Variants in CNTNAP2 observed in about 807,000 individuals in gnomAD.
CNTNAP2 encodes contactin associated protein 2.
In CNTNAP2, 98 loss-of-function variants were observed where a neutral mutation model predicts 155.2. The observed-to-expected ratio is 0.63, with a 90% CI of 0.54 to 0.75. CNTNAP2 has a LOEUF of 0.75. Ranked by LOEUF, CNTNAP2 falls within the 30% of genes least tolerant of loss-of-function variation. The pLI is 0.00. For missense variants in CNTNAP2, 1,727 were observed against 1,688.1 expected, an observed-to-expected ratio of 1.02 and a Z score of -0.40; for synonymous variants, 651 against 631.2, an observed-to-expected ratio of 1.03 and a Z score of -0.47.
chr7:146,988,003 T>G (rs1798144273), intron 3 of CNTNAP2, among the ~76,000 whole-genome samples: 1 of 152,152 alleles, frequency 6.6e-6, no homozygotes, highest in South Asian at 2.1e-4. Flanking sequence ...CCCGTAACTC[T>G]ATTTCCAAGG....
At chr7:147,320,410 C>T (rs192579548) in intron 9 of CNTNAP2, among the ~76,000 whole-genome samples, 2 of 152,194 alleles carry the variant, frequency 1.3e-5, no homozygotes, top group Admixed American at 1.3e-4. Flanking sequence ...ATCATGAAAA[C>T]AGATTGTAGG....
intron 19 of CNTNAP2, among the ~76,000 whole-genome samples, chr7:148,221,276 A>T (rs1396698295): frequency 6.6e-6 from 1 of 152,194 alleles, no homozygotes; most frequent in Non-Finnish European, 1.5e-5. Flanking sequence ...GCACAACTCT[A>T]TGAAGTAGAT....
At chr7:146,497,708 A>T (rs28497650) in intron 1 of CNTNAP2, among the ~76,000 whole-genome samples, 1 of 151,508 alleles carries the variant, frequency 6.6e-6, no homozygotes, top group Non-Finnish European at 1.5e-5. Context: ...TGATTTCTCA[A>T]GTTCTCCCTA....
At chr7:148,020,516 CATCT>C (rs1802260567) in intron 15 of CNTNAP2, among the ~76,000 whole-genome samples, 1 of 152,146 alleles carries the variant, frequency 6.6e-6, no homozygotes, top group Non-Finnish European at 1.5e-5. Flanking sequence ...GCTGATAAAT[CATCT>C]TTGAGAATTC....
intron 18 of CNTNAP2, among the ~76,000 whole-genome samples, chr7:148,202,783 G>A (rs994773636): frequency 3.3e-5 from 5 of 152,208 alleles, no homozygotes; most frequent in African/African-American, 9.7e-5. Context: ...CACATCGTGT[G>A]TGCATGAAGA....
At chr7:146,672,327 G>T (rs1800324784) in intron 1 of CNTNAP2, among the ~76,000 whole-genome samples, 1 of 152,126 alleles carries the variant, frequency 6.6e-6, no homozygotes, top group Admixed American at 6.5e-5. Context: ...TCCAGGAGTT[G>T]TTTCCTTGTC....
intron 2 of CNTNAP2, among the ~76,000 whole-genome samples, chr7:146,795,071 C>T (rs934919991): frequency 3.9e-5 from 6 of 152,102 alleles, no homozygotes; most frequent in African/African-American, 1.4e-4. Context: ...AAAGAAAAAA[C>T]GCTAATCACA....
chr7:147,097,228 T>C (rs1448867428), intron 4 of CNTNAP2, among the ~76,000 whole-genome samples: 3 of 152,174 alleles, frequency 2.0e-5, no homozygotes, highest in Non-Finnish European at 2.9e-5. Flanking sequence ...TCCTGACAAA[T>C]TTGTAGGGGT....
At chr7:146,138,642 CTA>C (rs1797832296) in intron 1 of CNTNAP2, among the ~76,000 whole-genome samples, 1 of 152,052 alleles carries the variant, frequency 6.6e-6, no homozygotes, top group African/African-American at 2.4e-5. Context: ...GTTTGATCCT[CTA>C]TATCTCTAAG....
At chr7:146,929,596 T>G (rs1796698725) in intron 3 of CNTNAP2, among the ~76,000 whole-genome samples, 1 of 152,254 alleles carries the variant, frequency 6.6e-6, no homozygotes, top group South Asian at 2.1e-4. Flanking sequence ...GGAGAATGAC[T>G]TTGACGAGTT....
chr7:146,753,063 C>A (rs1801933467), intron 1 of CNTNAP2, among the ~76,000 whole-genome samples: 2 of 152,088 alleles, frequency 1.3e-5, no homozygotes, highest in African/African-American at 4.8e-5. Context: ...GATTTTCTGA[C>A]CAAAGCTTCA....
At chr7:148,084,800 G>C (rs981926771) in intron 15 of CNTNAP2, among the ~76,000 whole-genome samples, 3 of 152,200 alleles carry the variant, frequency 2.0e-5, no homozygotes, top group African/African-American at 7.2e-5. Context: ...TCCTAGAGGA[G>C]TGCATAGGTA....
intron 17 of CNTNAP2, among the ~76,000 whole-genome samples, chr7:148,164,878 C>T (rs1454887803): frequency 1.3e-5 from 2 of 151,746 alleles, no homozygotes; most frequent in Non-Finnish European, 2.9e-5. Context: ...AAACTCCTGA[C>T]CTCAGGTGAT....
intron 11 of CNTNAP2, among the ~76,000 whole-genome samples, chr7:147,509,954 C>T (rs1798985630): frequency 6.6e-6 from 1 of 152,020 alleles, no homozygotes; most frequent in Non-Finnish European, 1.5e-5. Flanking sequence ...TTTGTTTCCT[C>T]TAAATCGGTG....
At chr7:146,411,051 G>A (rs1228957868) in intron 1 of CNTNAP2, among the ~76,000 whole-genome samples, 1 of 151,856 alleles carries the variant, frequency 6.6e-6, no homozygotes, top group Non-Finnish European at 1.5e-5. Flanking sequence ...AGGCTATTGT[G>A]AAAAATGCAA....
chr7:147,802,549 G>T (rs535682150), intron 13 of CNTNAP2, among the ~76,000 whole-genome samples: 1 of 152,176 alleles, frequency 6.6e-6, no homozygotes, highest in Non-Finnish European at 1.5e-5. Flanking sequence ...CGAGGCTGGC[G>T]GATCACTCGC....
intron 21 of CNTNAP2, among the ~76,000 whole-genome samples, chr7:148,280,555 G>A (rs1796957912): frequency 6.6e-6 from 1 of 152,134 alleles, no homozygotes; most frequent in Non-Finnish European, 1.5e-5. Context: ...ATACACAGGG[G>A]ATCTCTCTGT....
intron 1 of CNTNAP2, among the ~76,000 whole-genome samples, chr7:146,631,161 A>G (rs1799504414): frequency 6.6e-6 from 1 of 152,140 alleles, no homozygotes; most frequent in African/African-American, 2.4e-5. Context: ...TTCAAACTAC[A>G]CTACAAGGCT....
chr7:148,341,819 C>T (rs868021296), intron 21 of CNTNAP2, among the ~76,000 whole-genome samples: 9 of 152,276 alleles, frequency 5.9e-5, no homozygotes, highest in Admixed American at 3.3e-4. Context: ...CATACACTGC[C>T]AATAAGCAAT....
Sources: allele counts gnomAD v4.1 joint callset (sites outside exome capture counted in the v4.1 genomes callset), GRCh38; gene constraint gnomAD v4.1.1; transcripts MANE v1.5; gene names NCBI Gene and HGNC (gene_info 2026-07-23, HGNC 2026-07-21).